The following SUPT3H variants were observed in gnomAD, a reference collection of about 807,000 sequenced individuals.
SUPT3H encodes the protein transcription initiation protein SPT3 homolog.
Under a neutral mutation model 44.3 loss-of-function variants are expected in SUPT3H, and 44 were observed. That is an observed-to-expected ratio of 0.99 (90% CI 0.78 to 1.28). The LOEUF (loss-of-function observed/expected upper bound fraction) is 1.28, where lower values mean the gene tolerates loss of function less well. Ranked by LOEUF, SUPT3H falls within the 50% of genes most tolerant of loss-of-function variation. The pLI is 0.00. For missense variants in SUPT3H, 380 were observed against 387.1 expected (o/e 0.98, Z 0.15); for synonymous variants, 124 against 125.6 (o/e 0.99, Z 0.09).
intron 10 of SUPT3H, among the ~76,000 whole-genome samples, chr6:44,852,639 A>G (rs1338050721): frequency 1.3e-5 from 2 of 152,168 alleles, no homozygotes; most frequent in Non-Finnish European, 2.9e-5. Flanking sequence ...AATTTATGCT[A>G]TTTACTCATT....
intron 3 of SUPT3H, among the ~76,000 whole-genome samples, chr6:45,038,032 A>G (rs1270382249): frequency 1.3e-5 from 2 of 152,196 alleles, no homozygotes; most frequent in African/African-American, 4.8e-5. Context: ...TGGGGCTCAT[A>G]GACTTTCTGA....
chr6:44,918,482 C>A (rs1582487514), intron 10 of SUPT3H, among the ~76,000 whole-genome samples: 1 of 152,152 alleles, frequency 6.6e-6, no homozygotes, highest in Non-Finnish European at 1.5e-5. Flanking sequence ...CGATGATATA[C>A]CTTGTCCAAT....
chr6:45,086,075 A>G (rs1378376892), intron 3 of SUPT3H, among the ~76,000 whole-genome samples: 2 of 152,096 alleles, frequency 1.3e-5, no homozygotes, highest in African/African-American at 4.8e-5. Context: ...CTTGAAACTT[A>G]GTTTCTGTCA....
At chr6:44,960,284 G>A (rs1383960292) in intron 7 of SUPT3H, among the ~76,000 whole-genome samples, 1 of 151,768 alleles carries the variant, frequency 6.6e-6, no homozygotes, top group Non-Finnish European at 1.5e-5. Context: ...GTGCACGCCT[G>A]TAGTCCCAGC....
At chr6:45,091,889 A>G (rs1158229241) in intron 3 of SUPT3H, among the ~76,000 whole-genome samples, 1 of 151,900 alleles carries the variant, frequency 6.6e-6, no homozygotes, top group Non-Finnish European at 1.5e-5. Context: ...GTCATTTTAC[A>G]TAAATAAAAT....
chr6:45,316,488 A>G lies in SUPT3H; in HGVS notation c.101+48713T>C, dbSNP rs554462115. Among the ~76,000 whole-genome samples the G allele has an allele frequency of 2.8e-3, 427 of 152,220 alleles. 6 individuals carry two copies. The highest frequency in any genetic ancestry group is 1.2e-3 in the Non-Finnish European group (85 of 68,010). On this transcript the variant is annotated intron_variant, in intron 2 of 10. Transcript: ENST00000371459. ...TAATAGGCATCCAAAGGAAAAAGTT[A>G]TATCATCTCTGTTTGCAGACAACAT... is the stretch of plus-strand genomic sequence containing the variant.
chr6:44,953,315 C>T lies in SUPT3H; in HGVS notation c.796G>A (p.Ala266Thr). 6.2e-7 allele frequency: 1 copy of T among 1,613,630 alleles called. No individual in the cohort carries two copies. Among genetic ancestry groups the T allele is most frequent in the Non-Finnish European group, 8.5e-7 (1 of 1,179,656 alleles). The change falls in exon 9 of 11, where the codon GCT (alanine) becomes ACT (threonine). Residue 266 changes from alanine (A) to threonine (T), a missense_variant. Transcript: ENST00000371459. ...CAGATTTTTTTTGTACTTACCTCAG[C>T]AGAGTTGTGATACTGAATGAAGGTT... ...SATFIQYHNS[A>T]ESTAACGVEA...
chr6:44,952,542 A>G (rs1774467280), intron 9 of SUPT3H, among the ~76,000 whole-genome samples: 1 of 152,084 alleles, frequency 6.6e-6, no homozygotes, highest in African/African-American at 2.4e-5. Context: ...GTACTTCACA[A>G]CTCTACATGT....
intron 2 of SUPT3H, among the ~76,000 whole-genome samples, chr6:45,287,725 A>C (rs777578016): frequency 8.5e-5 from 13 of 152,194 alleles, no homozygotes; most frequent in Admixed American, 8.5e-4. Flanking sequence ...CTTAATGCCA[A>C]TGAACTCTAC....
chr6:44,895,885 G>GT (rs1433564753), intron 10 of SUPT3H, among the ~76,000 whole-genome samples: 1 of 151,564 alleles, frequency 6.6e-6, no homozygotes, highest in East Asian at 1.9e-4. Context: ...CTAAAGTAGG[G>GT]TAAAAAAAGT....
rs971343695 is a variant in SUPT3H at position 45,233,089 on chromosome 6, C to G, written c.102-127083G>C. ...ACTTCTCACAGCCTGAGACAGGAGT[C>G]TCTCAGGTTTTAGAAATTACGCGCT... On this transcript the variant is annotated intron_variant, in intron 2 of 10. Coordinates refer to ENST00000371459, the MANE Select transcript of SUPT3H (RefSeq NM_003599.4). Among the ~76,000 whole-genome samples the G allele has an allele frequency of 5.8e-4, 89 of 152,194 alleles. 2 individuals carry two copies. The Middle Eastern group carries it at 0.01, about 17-fold the overall frequency.
chr6:45,297,440 T>C (rs1031323537), intron 2 of SUPT3H, among the ~76,000 whole-genome samples: 1 of 152,236 alleles, frequency 6.6e-6, no homozygotes, highest in African/African-American at 2.4e-5. Context: ...AAATAGTTGG[T>C]TTGTGTTTAA....
At chr6:44,904,417 C>T (rs575049133) in intron 10 of SUPT3H, among the ~76,000 whole-genome samples, 1 of 152,108 alleles carries the variant, frequency 6.6e-6, no homozygotes, top group East Asian at 1.9e-4. Context: ...CTCCCATTCA[C>T]AATTGCTTCA....
intron 2 of SUPT3H, chr6:45,158,808 T>C (rs571087613): frequency 6.6e-6 from 1 of 152,232 alleles, no homozygotes; most frequent in African/African-American, 2.4e-5. Context: ...ACCAAGAATA[T>C]GTAGGTAATG....
intron 10 of SUPT3H, among the ~76,000 whole-genome samples, chr6:44,870,791 G>A (rs999614970): frequency 6.6e-6 from 1 of 150,818 alleles, no homozygotes; most frequent in Non-Finnish European, 1.5e-5. Context: ...GTGTGTGCGC[G>A]CACCCTGCGC....
chr6:45,170,581 G>T (rs1230689697), intron 2 of SUPT3H, among the ~76,000 whole-genome samples: 1 of 152,192 alleles, frequency 6.6e-6, no homozygotes, highest in Non-Finnish European at 1.5e-5. Flanking sequence ...TTTAAAAGGT[G>T]TGTTAGTTTA....
intron 2 of SUPT3H, among the ~76,000 whole-genome samples, chr6:45,288,925 C>T (rs1039243107): frequency 6.6e-6 from 1 of 151,872 alleles, no homozygotes; most frequent in Non-Finnish European, 1.5e-5. Context: ...TTACATGAGA[C>T]GAGGTCCTAT....
At chr6:44,915,303 C>T (rs763501777) in intron 10 of SUPT3H, among the ~76,000 whole-genome samples, 9 of 152,120 alleles carry the variant, frequency 5.9e-5, no homozygotes, top group African/African-American at 1.2e-4. Flanking sequence ...GATAACCTGG[C>T]GACCAAGATT....
intron 1 of SUPT3H, among the ~76,000 whole-genome samples, chr6:45,365,712 A>G (rs1454938472): frequency 6.7e-6 from 1 of 149,496 alleles, no homozygotes; most frequent in Admixed American, 6.8e-5. Flanking sequence ...CAGGCCACGG[A>G]ACAACCCTGA....
Sources: gnomAD v4.1 joint callset for allele counts (sites outside exome capture counted in the v4.1 genomes callset) on GRCh38, gnomAD v4.1.1 for gene constraint, MANE v1.5 for transcripts, NCBI Gene and HGNC (gene_info 2026-07-23, HGNC 2026-07-21) for gene names.